Variants in VWA5A observed in about 807,000 individuals in gnomAD.
VWA5A encodes von Willebrand factor A domain-containing protein 5A.
A neutral mutation model predicts 84.6 loss-of-function variants in VWA5A; 77 were observed. That is an observed-to-expected ratio of 0.91 (90% confidence interval 0.76 to 1.10). The LOEUF is 1.10. Ranked by LOEUF, VWA5A falls within the 50% of genes least tolerant of loss-of-function variation. The pLI, the probability that VWA5A is intolerant of heterozygous loss-of-function variation, is 0.00. For synonymous variants in VWA5A, 334 were observed against 350.1 expected (o/e 0.95, Z 0.51); for missense variants, 973 against 963.0 (o/e 1.01, Z -0.14).
At chr11:124,134,898 C>T (rs759117083) in intron 11 of VWA5A, 22 bp from the exon 12 acceptor site, 7 of 1,589,224 alleles carry the variant, frequency 4.4e-6, no homozygotes, top group Non-Finnish European at 8.6e-7. Flanking sequence ...TTCCTCTAAC[C>T]TCTGTCCTGT....
In VWA5A at chr11:124,123,099, T is replaced by C. The variant is rs2137634393; in HGVS notation, c.900T>C (p.Asp300=). Residue 300 remains aspartate (D), a synonymous_variant, in exon 8 of 19, where the codon GAT becomes GAC. Coordinates refer to ENST00000456829, the MANE Select transcript of VWA5A (RefSeq NM_001130142.2). ...GSMQSPMSSQ[D]TSQLRIQAAK... is the part of the protein sequence containing the mutation. ...TGCAGAGCCCCATGAGTAGCCAGGA[T>C]ACATCTCAGCTGCGAATACAGGCAG... 6.2e-7 allele frequency: 1 copy of C among 1,613,496 alleles called. No individual in the cohort carries two copies.
intron 11 of VWA5A, among the ~76,000 whole-genome samples, chr11:124,134,414 T>C (rs1865142745): frequency 6.6e-6 from 1 of 152,224 alleles, no homozygotes; most frequent in Non-Finnish European, 1.5e-5. Flanking sequence ...GTTTAAGAAG[T>C]TACTTGGTGC....
At chr11:124,117,247 T>G (rs1225349399) in intron 2 of VWA5A, 1 of 562,528 alleles carries the variant, frequency 1.8e-6, no homozygotes, top group Non-Finnish European at 3.2e-6. Context: ...TGAACCAGCC[T>G]CAGGGTGTTT....
chr11:124,145,113 A>G, intron 17 of VWA5A, 124 bp from the exon 18 acceptor site: 1 of 1,264,790 alleles, frequency 7.9e-7, no homozygotes, highest in Non-Finnish European at 1.1e-6. Context: ...TCTGGAGGTA[A>G]AGAGAGACCA....
In VWA5A at chr11:124,123,819, A is replaced by C; in HGVS notation, c.1164+15A>C. The stretch of plus-strand genomic sequence containing the variant: ...ACCCCCTACAGGTAAGAAGTGGAAC[A>C]GAGCTAACAGAAGAGACAGGAAGTG... On this transcript the variant is annotated intron_variant, in intron 10 of 18. Transcript: ENST00000456829. 6.5e-7 allele frequency: 1 copy of C among 1,541,714 alleles called. No homozygotes were observed. The highest frequency in any genetic ancestry group is 1.4e-5 in the African/African-American group (1 of 72,222).
chr11:124,132,467 G>T (rs939926323), intron 11 of VWA5A, among the ~76,000 whole-genome samples: 1 of 151,712 alleles, frequency 6.6e-6, no homozygotes, highest in Non-Finnish European at 1.5e-5. Flanking sequence ...TTTTTGTTTT[G>T]AACTATTCAT....
intron 7 of VWA5A, among the ~76,000 whole-genome samples, chr11:124,120,621 T>A (rs1422226671): frequency 6.6e-6 from 1 of 152,186 alleles, no homozygotes. Context: ...AAGCTCTCCA[T>A]GCTAAGGTCA....
At position 124,118,284 on chromosome 11, in the gene VWA5A, G is replaced by A; in HGVS notation, c.342G>A (p.Val114=). 1 of 1,614,156 alleles carries A rather than the reference G, an allele frequency of 6.2e-7. No individual in the cohort carries two copies. Among genetic ancestry groups the A allele is most frequent in the Non-Finnish European group, 8.5e-7 (1 of 1,180,030 alleles). ...SSSRDVFSCN[V]GNLQPGSKAA... ...CCAGGGATGTCTTCTCTTGCAATGT[G>A]GGTAACCTCCAACCTGGGTCGAAGG... Residue 114 remains valine, a synonymous_variant, in exon 5 of 19, where the codon GTG becomes GTA. Coordinates refer to ENST00000456829, the MANE Select transcript of VWA5A (RefSeq NM_001130142.2).
chr11:124,123,561 G>T, intron 9 of VWA5A, 99 bp from the exon 10 acceptor site: 1 of 1,609,426 alleles, frequency 6.2e-7, no homozygotes, highest in Non-Finnish European at 8.5e-7. Context: ...GGGGGTTTCG[G>T]ATAAGACTCT....
At chr11:124,131,741 T>C (rs1447536499) in intron 11 of VWA5A, among the ~76,000 whole-genome samples, 1 of 151,782 alleles carries the variant, frequency 6.6e-6, no homozygotes, top group African/African-American at 2.4e-5. Flanking sequence ...AGAATCACAT[T>C]TGCAAAAAAT....
intron 16 of VWA5A, 127 bp downstream of exon 16, chr11:124,141,868 G>T: frequency 1.5e-6 from 2 of 1,318,116 alleles, no homozygotes; most frequent in Non-Finnish European, 1.0e-6. Context: ...GACCCCCCAT[G>T]CATTGGAAAA....
chr11:124,124,370 C>A, intron 11 of VWA5A, 54 bp downstream of exon 11: 2 of 1,593,570 alleles, frequency 1.3e-6, no homozygotes, highest in Non-Finnish European at 1.7e-6. Context: ...GACACACAGA[C>A]TCTAGTGCTA....
At chr11:124,118,160 T>C (rs769141605) in intron 4 of VWA5A, 29 bp from the exon 5 acceptor site, 17 of 1,602,690 alleles carry the variant, frequency 1.1e-5, no homozygotes, top group Admixed American at 5.1e-5. Flanking sequence ...GTTCCCTTTC[T>C]TTCCCATCCC....
intron 12 of VWA5A, 72 bp from the exon 13 acceptor site, chr11:124,136,057 T>C: frequency 6.5e-7 from 1 of 1,528,622 alleles, no homozygotes; most frequent in Middle Eastern, 1.7e-4. Context: ...TGATACATAA[T>C]AAATGTCCAG....
chr11:124,121,448 T>G (rs1451170224), intron 7 of VWA5A, among the ~76,000 whole-genome samples: 1 of 152,140 alleles, frequency 6.6e-6, no homozygotes, highest in Non-Finnish European at 1.5e-5. Flanking sequence ...AACACAAATT[T>G]GTAAACTTTC....
intron 8 of VWA5A, 51 bp downstream of exon 8, chr11:124,123,180 A>G: frequency 2.5e-6 from 4 of 1,581,236 alleles, no homozygotes; most frequent in Non-Finnish European, 2.6e-6. Context: ...GTGAGGATGA[A>G]TCTGAGGGGT....
Position 124,136,557 on chromosome 11 carries a change from T to G in VWA5A, c.1525-17T>G. 6.2e-7 allele frequency: 1 copy of G among 1,610,252 alleles called. No homozygotes were observed. Among genetic ancestry groups the G allele is most frequent in the Non-Finnish European group, 8.5e-7 (1 of 1,176,430 alleles). ...ACATTACATGTTCCGTCATTTCTAC[T>G]CATCTCTAATTTGCAGGCAGCAGAG... On this transcript the variant is annotated splice_polypyrimidine_tract_variant and intron_variant, in intron 13 of 18. Transcript: ENST00000456829.
intron 15 of VWA5A, among the ~76,000 whole-genome samples, chr11:124,140,111 C>A (rs1194562134): frequency 1.3e-5 from 2 of 152,010 alleles, no homozygotes; most frequent in African/African-American, 4.8e-5. Context: ...TTTATTGAAC[C>A]AACTTTTCAT....
chr11:124,142,309 G>A, intron 16 of VWA5A, 133 bp from the exon 17 acceptor site: 2 of 1,225,756 alleles, frequency 1.6e-6, no homozygotes, highest in Middle Eastern at 2.1e-4. Flanking sequence ...TCTTCTGGAT[G>A]TTGTCTGATG....
Sources: gnomAD v4.1 joint callset for allele counts (sites outside exome capture counted in the v4.1 genomes callset) on GRCh38, gnomAD v4.1.1 for gene constraint, MANE v1.5 for transcripts, NCBI Gene and HGNC (gene_info 2026-07-23, HGNC 2026-07-21) for gene names.